The following PLCB1 variants were observed in gnomAD, a reference collection of about 807,000 sequenced individuals.
The protein encoded by PLCB1 is 1-phosphatidylinositol 4,5-bisphosphate phosphodiesterase beta-1.
Under a neutral mutation model 161.8 loss-of-function variants are expected in PLCB1, and 46 were observed. The ratio of observed to expected loss-of-function variants is 0.28; its 90% CI spans 0.22 to 0.36. The LOEUF is 0.36. Among genes scored for constraint, PLCB1 ranks in the 10% least tolerant of loss-of-function variants. The pLI, the probability that PLCB1 is intolerant of heterozygous loss-of-function variation, is 1.00. For missense variants in PLCB1, 1,016 were observed against 1,472.5 expected (o/e 0.69, Z 5.07); for synonymous variants, 517 against 503.7 (o/e 1.03, Z -0.35).
chr20:8,583,421 T>C (rs938296400), intron 3 of PLCB1, among the ~76,000 whole-genome samples: 7 of 152,168 alleles, frequency 4.6e-5, no homozygotes, highest in African/African-American at 1.7e-4. Context: ...TTAAAAAACA[T>C]AAAATACAAA....
intron 2 of PLCB1, among the ~76,000 whole-genome samples, chr20:8,263,392 T>C (rs959205750): frequency 1.3e-5 from 2 of 152,194 alleles, no homozygotes. Flanking sequence ...ACATTAAACA[T>C]CACTTTCAAA....
At chr20:8,666,765 T>G (rs1989821631) in intron 9 of PLCB1, among the ~76,000 whole-genome samples, 1 of 152,164 alleles carries the variant, frequency 6.6e-6, no homozygotes, top group Admixed American at 6.6e-5. Context: ...GTCCTAGACA[T>G]AGCACCCTTT....
chr20:8,428,644 G>A (rs1042275356), intron 3 of PLCB1, among the ~76,000 whole-genome samples: 3 of 152,168 alleles, frequency 2.0e-5, no homozygotes, highest in Non-Finnish European at 4.4e-5. Context: ...CCAAGAGAAC[G>A]ACGATTTCAC....
intron 11 of PLCB1, among the ~76,000 whole-genome samples, chr20:8,707,867 G>A (rs895104189): frequency 1.3e-5 from 2 of 152,146 alleles, no homozygotes; most frequent in African/African-American, 4.8e-5. Context: ...ACTGATACAT[G>A]TTACAACATG....
At chr20:8,311,917 C>T (rs112567521) in intron 2 of PLCB1, among the ~76,000 whole-genome samples, 20 of 152,306 alleles carry the variant, frequency 1.3e-4, no homozygotes, top group Non-Finnish European at 2.4e-4. Context: ...AATGTCTACA[C>T]AGGAGGAGAG....
chr20:8,859,673 T>C lies in PLCB1; in HGVS notation c.3424-21949T>C, dbSNP rs75934962. ...AGGATCTCCTTCTAATTCTGAAATG[T>C]TGCTCAGGTATTTCTTGTTGAAGTC... On this transcript the variant is annotated intron_variant, in intron 31 of 31. Coordinates refer to ENST00000338037, the MANE Select transcript of PLCB1 (RefSeq NM_015192.4). Among the ~76,000 whole-genome samples, 105 of 152,318 alleles carry C rather than the reference T, an allele frequency of 6.9e-4. 2 individuals are homozygous for C. In the East Asian group the frequency reaches 0.018, roughly 26 times the overall value.
chr20:8,619,182 A>C (rs978345494), intron 3 of PLCB1, among the ~76,000 whole-genome samples: 1 of 152,176 alleles, frequency 6.6e-6, no homozygotes, highest in Non-Finnish European at 1.5e-5. Flanking sequence ...CATGCCTGGG[A>C]AGCTGAGGCA....
chr20:8,228,397 C>T (rs999464393), intron 2 of PLCB1, among the ~76,000 whole-genome samples: 3 of 152,226 alleles, frequency 2.0e-5, no homozygotes, highest in Non-Finnish European at 2.9e-5. Context: ...TCCTTGCCAT[C>T]CACCTATCCT....
In PLCB1 at chr20:8,274,476, G is replaced by C. The variant is rs1982432212; in HGVS notation, c.178-96906G>C. Among the ~76,000 whole-genome samples the C allele has an allele frequency of 2.0e-5, 3 of 151,214 alleles. No individual in the cohort carries two copies. The South Asian group carries it at 6.3e-4, about 32-fold the overall frequency. ...GCCTCTGTTTGGATTTTTGTTACTT[G>C]TGTCGTTTTTTTTTTACACTGTGTA... On this transcript the variant is annotated intron_variant, in intron 2 of 31. Transcript: ENST00000338037.
chr20:8,535,479 T>C (rs1365271626), intron 3 of PLCB1, among the ~76,000 whole-genome samples: 2 of 152,032 alleles, frequency 1.3e-5, no homozygotes, highest in South Asian at 2.1e-4. Flanking sequence ...GTTAAAAAAT[T>C]GAATAAACTC....
intron 2 of PLCB1, among the ~76,000 whole-genome samples, chr20:8,204,523 T>G (rs528147451): frequency 8.5e-5 from 13 of 152,048 alleles, no homozygotes; most frequent in Non-Finnish European, 1.8e-4. Flanking sequence ...GTTTGGCTCA[T>G]GGGGGCAGAT....
At chr20:8,556,822 G>A (rs1985972165) in intron 3 of PLCB1, among the ~76,000 whole-genome samples, 2 of 151,558 alleles carry the variant, frequency 1.3e-5, no homozygotes, top group East Asian at 1.9e-4. Flanking sequence ...GGAAAAATGA[G>A]CAAAGTGTTT....
intron 3 of PLCB1, among the ~76,000 whole-genome samples, chr20:8,379,423 C>T (rs1987195498): frequency 1.3e-5 from 2 of 152,192 alleles, no homozygotes; most frequent in African/African-American, 2.4e-5. Context: ...TGTGTGCATG[C>T]GTCTTTATAA....
rs117825130 is a variant in PLCB1 at position 8,369,502 on chromosome 20, G to A, written c.178-1880G>A. On this transcript the variant is annotated intron_variant, in intron 2 of 31. Coordinates refer to ENST00000338037, the MANE Select transcript of PLCB1 (RefSeq NM_015192.4). ...GGTTTTTCCACCGTTTCTTCACAGA[G>A]GGTTCTATAATGTGCATTTTCTGAA... Among the ~76,000 whole-genome samples the A allele has an allele frequency of 7.6e-4, 116 of 152,318 alleles. 2 individuals are homozygous for A. In the East Asian group the frequency reaches 0.015, roughly 20 times the overall value.
intron 3 of PLCB1, among the ~76,000 whole-genome samples, chr20:8,444,846 T>A (rs1458449313): frequency 6.6e-6 from 1 of 152,210 alleles, no homozygotes; most frequent in Non-Finnish European, 1.5e-5. Context: ...ATAAATGTCT[T>A]CTTTTGAGAA....
chr20:8,347,896 C>T (rs984229544), intron 2 of PLCB1, among the ~76,000 whole-genome samples: 10 of 151,654 alleles, frequency 6.6e-5, no homozygotes, highest in African/African-American at 4.9e-5. Flanking sequence ...GGCATGAACC[C>T]GGGAGGTGGA....
chr20:8,268,429 G>A (rs6133562), intron 2 of PLCB1, among the ~76,000 whole-genome samples: 11,431 of 152,184 alleles, frequency 0.075, 537 homozygotes, highest in East Asian at 0.19. Flanking sequence ...GTAAACATAC[G>A]TGTGCATGTG....
At chr20:8,807,573 TC>T (rs1984600131) in intron 31 of PLCB1, among the ~76,000 whole-genome samples, 1 of 152,080 alleles carries the variant, frequency 6.6e-6, no homozygotes, top group Non-Finnish European at 1.5e-5. Context: ...TTTTTTTTTT[TC>T]CTTTTAATTC....
chr20:8,614,924 T>G (rs1026834247), intron 3 of PLCB1, among the ~76,000 whole-genome samples: 1 of 152,152 alleles, frequency 6.6e-6, no homozygotes, highest in Non-Finnish European at 1.5e-5. Flanking sequence ...CATTTAATTT[T>G]CTAAATTGCT....
Sources: gnomAD v4.1 joint callset for allele counts (sites outside exome capture counted in the v4.1 genomes callset) on GRCh38, gnomAD v4.1.1 for gene constraint, MANE v1.5 for transcripts, NCBI Gene and HGNC (gene_info 2026-07-23, HGNC 2026-07-21) for gene names.